UNC5C: variants seen among roughly 807,000 people sequenced by gnomAD.
UNC5C encodes netrin receptor UNC5C.
In UNC5C, 47 loss-of-function variants were observed where a neutral mutation model predicts 99.8. The ratio of observed to expected loss-of-function variants is 0.47; its 90% confidence interval spans 0.37 to 0.60. The LOEUF is 0.60. Ranked by LOEUF, UNC5C falls within the 20% of genes least tolerant of loss-of-function variation. The pLI is 0.00. For missense variants in UNC5C, 1,062 were observed against 1,165.9 expected, an observed-to-expected ratio of 0.91 and a Z score of 1.30; for synonymous variants, 487 against 452.2, an observed-to-expected ratio of 1.08 and a Z score of -0.98.
At chr4:95,345,689 A>G (rs1415282516) in intron 1 of UNC5C, among the ~76,000 whole-genome samples, 1 of 152,082 alleles carries the variant, frequency 6.6e-6, no homozygotes, top group Non-Finnish European at 1.5e-5. Context: ...CTAGAAATAA[A>G]TAACAAGAGG....
intron 4 of UNC5C, among the ~76,000 whole-genome samples, chr4:95,259,891 TC>T (rs1258876618): frequency 6.6e-6 from 1 of 152,192 alleles, no homozygotes; most frequent in Admixed American, 6.6e-5. Context: ...TTATGGGTTT[TC>T]CATTTCTTTT....
chr4:95,269,994 T>C (rs905402658), intron 4 of UNC5C, among the ~76,000 whole-genome samples: 1 of 152,124 alleles, frequency 6.6e-6, no homozygotes, highest in Non-Finnish European at 1.5e-5. Flanking sequence ...GGATTACAGG[T>C]GTGAGCCCCC....
intron 2 of UNC5C, among the ~76,000 whole-genome samples, chr4:95,321,112 T>A (rs973275798): frequency 6.6e-5 from 10 of 152,240 alleles, no homozygotes; most frequent in African/African-American, 2.4e-4. Context: ...AAATTTTCTA[T>A]ACAGTATGAA....
chr4:95,323,506 A>T (rs1011172037), intron 2 of UNC5C, among the ~76,000 whole-genome samples: 2 of 152,214 alleles, frequency 1.3e-5, no homozygotes, highest in African/African-American at 4.8e-5. Context: ...CCAATAATTA[A>T]TTAAGCTGAA....
intron 1 of UNC5C, among the ~76,000 whole-genome samples, chr4:95,500,969 C>T (rs1215725279): frequency 2.0e-5 from 3 of 152,098 alleles, no homozygotes; most frequent in African/African-American, 4.8e-5. Flanking sequence ...TTAGATACTA[C>T]TGCATGATCA....
At chr4:95,487,697 A>T (rs917196542) in intron 1 of UNC5C, among the ~76,000 whole-genome samples, 7 of 151,732 alleles carry the variant, frequency 4.6e-5, no homozygotes, top group African/African-American at 1.7e-4. Context: ...GTTATTATAA[A>T]TAGAATCTAA....
chr4:95,509,076 A>G (rs1226768545), intron 1 of UNC5C, among the ~76,000 whole-genome samples: 1 of 151,898 alleles, frequency 6.6e-6, no homozygotes, highest in Admixed American at 6.6e-5. Flanking sequence ...TTAATTTTCT[A>G]ACAAGTAGGA....
chr4:95,402,781 C>T (rs1745735982), intron 1 of UNC5C, among the ~76,000 whole-genome samples: 2 of 152,160 alleles, frequency 1.3e-5, no homozygotes, highest in Admixed American at 6.5e-5. Flanking sequence ...TTAGCTAAAC[C>T]TTTCTAAATC....
intron 10 of UNC5C, among the ~76,000 whole-genome samples, chr4:95,212,025 G>A (rs1391468848): frequency 6.6e-6 from 1 of 152,104 alleles, no homozygotes; most frequent in Non-Finnish European, 1.5e-5. Flanking sequence ...CCTTGAGACA[G>A]AATAATGTCA....
In UNC5C at chr4:95,548,800, G is replaced by A. The variant is rs1016604244; in HGVS notation, c.58C>T (p.Leu20=). The change falls in exon 1 of 16, where the codon CTG becomes TTG. Residue 20 remains leucine, a synonymous_variant. Coordinates refer to ENST00000453304, the MANE Select transcript of UNC5C (RefSeq NM_003728.4). ...AGGGCAGGTAGCACGAGCATTTGCA[G>A]CAAGTATCCCAGTCCCAGTCCGCAG... ...ARCGLGLGYL[L]QMLVLPALAL... 1 of 1,613,424 alleles carries A rather than the reference G, an allele frequency of 6.2e-7. No homozygotes were observed. Among genetic ancestry groups the A allele is most frequent in the Non-Finnish European group, 8.5e-7 (1 of 1,179,986 alleles).
At chr4:95,266,015 CAA>C (rs969140633) in intron 4 of UNC5C, among the ~76,000 whole-genome samples, 6 of 152,188 alleles carry the variant, frequency 3.9e-5, no homozygotes, top group Admixed American at 2.6e-4. Context: ...GTATTTTAAA[CAA>C]TGATGATTCA....
intron 1 of UNC5C, among the ~76,000 whole-genome samples, chr4:95,521,279 G>A (rs1263952368): frequency 4.8e-5 from 7 of 144,710 alleles, no homozygotes; most frequent in Admixed American, 7.2e-5. Context: ...GTGCAATGGC[G>A]TGAATCTCAG....
chr4:95,387,359 C>T (rs568002221), intron 1 of UNC5C, among the ~76,000 whole-genome samples: 4 of 152,210 alleles, frequency 2.6e-5, no homozygotes, highest in Middle Eastern at 3.4e-3. Context: ...AGGCTGGTCT[C>T]GATGACCTGA....
At chr4:95,298,071 G>A (rs1741726129) in intron 3 of UNC5C, among the ~76,000 whole-genome samples, 1 of 152,236 alleles carries the variant, frequency 6.6e-6, no homozygotes, top group South Asian at 2.1e-4. Context: ...TATTTTGGGA[G>A]GCTGAAGTGG....
At chr4:95,482,416 G>A (rs931555986) in intron 1 of UNC5C, among the ~76,000 whole-genome samples, 3 of 151,678 alleles carry the variant, frequency 2.0e-5, no homozygotes, top group Non-Finnish European at 4.4e-5. Flanking sequence ...TGGTGGGACT[G>A]TAAACTAGTT....
intron 3 of UNC5C, among the ~76,000 whole-genome samples, chr4:95,300,511 G>A (rs927818743): frequency 2.0e-5 from 3 of 152,124 alleles, no homozygotes; most frequent in African/African-American, 7.2e-5. Flanking sequence ...AATAAATAGA[G>A]AAGCTTTATC....
intron 3 of UNC5C, among the ~76,000 whole-genome samples, chr4:95,295,150 TA>T (rs1266603292): frequency 3.9e-5 from 6 of 152,186 alleles, no homozygotes; most frequent in African/African-American, 1.2e-4. Flanking sequence ...CCTTGTATGT[TA>T]ATATTTTGCC....
At chr4:95,252,193 G>A (rs187834311) in intron 4 of UNC5C, among the ~76,000 whole-genome samples, 16 of 152,234 alleles carry the variant, frequency 1.1e-4, no homozygotes, top group Non-Finnish European at 2.2e-4. Context: ...GGAAGTGCAC[G>A]GGAGAAGGTG....
At chr4:95,523,866 C>T (rs911744552) in intron 1 of UNC5C, among the ~76,000 whole-genome samples, 17 of 151,878 alleles carry the variant, frequency 1.1e-4, no homozygotes, top group African/African-American at 3.9e-4. Context: ...GCTTTAATTC[C>T]ATTTCTATAA....
Sources: gnomAD v4.1 joint callset for allele counts (sites outside exome capture counted in the v4.1 genomes callset) on GRCh38, gnomAD v4.1.1 for gene constraint, MANE v1.5 for transcripts, NCBI Gene and HGNC (gene_info 2026-07-23, HGNC 2026-07-21) for gene names.